The following RHOC variants were observed in gnomAD, a reference collection of about 807,000 sequenced individuals.
The protein encoded by RHOC is ras homolog family member C, also known as rho-related GTP-binding protein RhoC.
In RHOC, 13 loss-of-function variants were observed where a neutral mutation model predicts 19.5. The observed-to-expected ratio is 0.67, with a 90% CI of 0.43 to 1.06. The LOEUF is 1.06. Ranked by LOEUF, RHOC falls within the 50% of genes least tolerant of loss-of-function variation. The pLI, the probability that RHOC is intolerant of heterozygous loss-of-function variation, is 0.00. For missense variants in RHOC, 173 were observed against 256.9 expected, an observed-to-expected ratio of 0.67 and a Z score of 2.23; for synonymous variants, 106 against 97.3, an observed-to-expected ratio of 1.09 and a Z score of -0.52.
intron 4 of RHOC, 36 bp from the exon 5 acceptor site, chr1:112,702,729 C>T: frequency 6.2e-7 from 1 of 1,612,680 alleles, no homozygotes; most frequent in Non-Finnish European, 8.5e-7. Flanking sequence ...TCGGTGCCTC[C>T]ACTTAAGCTA....
chr1:112,704,916 C>G (rs1674787038), intron 2 of RHOC, 184 bp downstream of exon 2: 6 of 611,366 alleles, frequency 9.8e-6, no homozygotes, highest in Non-Finnish European at 1.8e-5. Context: ...GGAACAGCCC[C>G]TTCCTCCCTC....
chr1:112,705,711 C>G, intron 1 of RHOC: 1 of 455,774 alleles, frequency 2.2e-6, no homozygotes. Context: ...ACTCCTCCAC[C>G]CACTCCATTA....
intron 3 of RHOC, 123 bp from the exon 4 acceptor site, chr1:112,703,242 G>T: frequency 9.7e-7 from 1 of 1,034,246 alleles, no homozygotes; most frequent in Non-Finnish European, 1.4e-6. Context: ...CTATGCACCA[G>T]GCATTATATT....
Position 112,705,179 on chromosome 1 carries a change from G to T in RHOC, c.-76-11C>A, listed in dbSNP as rs749467730. On this transcript the variant is annotated splice_polypyrimidine_tract_variant and intron_variant, in intron 1 of 5. Coordinates refer to ENST00000339083, the MANE Select transcript of RHOC (RefSeq NM_175744.5). ...GAGATGAAGTCAAGGCTGTTGGGAA[G>T]GGGGAGGGGGCTAGAGTCTGGGCTG... 2.8e-6 allele frequency: 2 copies of T among 702,456 alleles called. No individual in the cohort carries two copies. Among genetic ancestry groups the T allele is most frequent in the Non-Finnish European group, 5.2e-6 (2 of 384,932 alleles). 43.5% of individuals were successfully genotyped at this position (702,456 alleles called of 1,614,324 possible).
In RHOC at chr1:112,701,418, G is replaced by C; in HGVS notation, c.*122C>G. 1 of 1,599,720 alleles carries C rather than the reference G, an allele frequency of 6.3e-7. No individual in the cohort carries two copies. Among genetic ancestry groups the C allele is most frequent in the African/African-American group, 1.3e-5 (1 of 74,612 alleles). ...CGGGGCTAGAAAACAATGCAGTCCT[G>C]GGCAGGAGGGAACTGAAAATGGGAG... On this transcript the variant is annotated 3_prime_UTR_variant, in exon 6 of 6. Transcript: ENST00000339083.
chr1:112,703,497 C>T, intron 3 of RHOC, 147 bp downstream of exon 3: 1 of 787,734 alleles, frequency 1.3e-6, no homozygotes, highest in Non-Finnish European at 2.2e-6. Context: ...TTTTTTAAGA[C>T]TGCAGATTTA....
chr1:112,701,854 G>C (rs1674651209), intron 5 of RHOC, 141 bp from the exon 6 acceptor site: 1 of 809,698 alleles, frequency 1.2e-6, no homozygotes, highest in African/African-American at 1.7e-5. Context: ...CAGCTACCCT[G>C]GGCAGCTTCG....
At chr1:112,705,373 C>G in intron 1 of RHOC, 1 of 612,462 alleles carries the variant, frequency 1.6e-6, no homozygotes, top group South Asian at 1.9e-5. Context: ...CCCCACACCC[C>G]ACCACCACCT....
chr1:112,701,671 T>C lies in RHOC; in HGVS notation c.451A>G (p.Ile151Val). 6.2e-7 allele frequency: 1 copy of C among 1,614,010 alleles called. No individual in the cohort carries two copies. Among genetic ancestry groups the C allele is most frequent in the Non-Finnish European group, 8.5e-7 (1 of 1,180,002 alleles). The change falls in exon 6 of 6, where the codon ATC becomes GTC. Residue 151 changes from isoleucine to valine, a missense_variant. Ile to Val is a conservative substitution (Grantham distance 29, BLOSUM62 3). Around this residue, in one of 2 missense-constraint regions of RHOC, gnomAD observed 81 missense variants for 85.8 expected, o/e 0.94. Transcript: ENST00000339083. ...SEEGRDMANR[I>V]SAFGYLECSA... ...CACTCAAGGTAGCCAAAGGCACTGATCCGGTTCGCCATGTCCCGGCCTTCC... is the reference window on the plus strand; with the variant it reads ...CACTCAAGGTAGCCAAAGGCACTGACCCGGTTCGCCATGTCCCGGCCTTCC...
Position 112,701,620 on chromosome 1 carries a change from G to T in RHOC, c.502C>A (p.Arg168=). ...CGAGTGGCCATCTCAAACACCTCCC[G>T]CACTCCCTCCTTGGTCTTGGCTGAG... ...ECSAKTKEGV[R]EVFEMATRAG... The change falls in exon 6 of 6, where the codon CGG becomes AGG. Residue 168 remains arginine (R), a synonymous_variant. Coordinates refer to ENST00000339083, the MANE Select transcript of RHOC (RefSeq NM_175744.5). The T allele has an allele frequency of 6.2e-7, 1 of 1,614,042 alleles. No homozygotes were observed. The highest frequency in any genetic ancestry group is 8.5e-7 in the Non-Finnish European group (1 of 1,179,970).
chr1:112,703,329 G>A, intron 3 of RHOC: 1 of 704,166 alleles, frequency 1.4e-6, no homozygotes, highest in Admixed American at 2.2e-5. Flanking sequence ...AGTTGCCACT[G>A]TGAGCACCAT....
At chr1:112,705,626 G>A (rs1315802538) in intron 1 of RHOC, 1 of 458,296 alleles carries the variant, frequency 2.2e-6, no homozygotes, top group Admixed American at 2.3e-5. Context: ...ATCGCCTCCA[G>A]AAATGGAAAC....
intron 1 of RHOC, chr1:112,705,371 CCCA>C: frequency 4.9e-6 from 3 of 612,620 alleles, no homozygotes; most frequent in South Asian, 3.8e-5. Context: ...CTCCCCACAC[CCCA>C]CCACCACCTC....
At chr1:112,705,303 A>G in intron 1 of RHOC, 135 bp from the exon 2 acceptor site, 1 of 648,434 alleles carries the variant, frequency 1.5e-6, no homozygotes, top group Admixed American at 2.3e-5. Context: ...TCAGCCTCAA[A>G]CCTAGCTTTT....
intron 5 of RHOC, among the ~76,000 whole-genome samples, chr1:112,702,312 C>CTTT (rs746383970): frequency 4.7e-4 from 71 of 152,266 alleles, no homozygotes; most frequent in Non-Finnish European, 7.5e-4. Context: ...TTTTCTTAAT[C>CTTT]ATCTTAATAG....
chr1:112,707,402 A>G (rs1198805477), upstream of RHOC: 1 of 152,392 alleles, frequency 6.6e-6, no homozygotes, highest in East Asian at 1.9e-4. Context: ...CCAGCCTTCA[A>G]TCCCCTAGGG....
chr1:112,706,430 T>TACACACACACACACAC (rs149206424), intron 1 of RHOC, among the ~76,000 whole-genome samples: 2,009 of 49,652 alleles, frequency 0.04, 217 homozygotes, highest in Middle Eastern at 0.096. Context: ...TCTCTCTCTC[T>TACACACACACACACAC]ACACACACAC....
At chr1:112,702,506 C>G in intron 5 of RHOC, 57 bp downstream of exon 5, 2 of 1,587,552 alleles carry the variant, frequency 1.3e-6, no homozygotes, top group Non-Finnish European at 1.7e-6. Flanking sequence ...TGCCCGTCTG[C>G]AACCCCTCAG....
In RHOC at chr1:112,701,208, G is replaced by A. The variant is rs565485066; in HGVS notation, c.*332C>T. ...AAGGCCCCTGCCGAAAACAACTCCA[G>A]GGGCCTGGGACTCTGGGTCCCCTAC... On this transcript the variant is annotated 3_prime_UTR_variant, in exon 6 of 6. Coordinates refer to ENST00000339083, the MANE Select transcript of RHOC (RefSeq NM_175744.5). The A allele has an allele frequency of 1.7e-6, 1 of 603,328 alleles. No individual in the cohort carries two copies. Among genetic ancestry groups the A allele is most frequent in the South Asian group, 2.3e-5 (1 of 43,800 alleles). 37.4% of individuals were successfully genotyped at this position (603,328 alleles called of 1,614,324 possible).
Sources: gnomAD v4.1 joint callset for allele counts (sites outside exome capture counted in the v4.1 genomes callset) on GRCh38, gnomAD v4.1.1 for gene constraint, gnomAD v4.1.1 regional missense constraint, MANE v1.5 for transcripts, NCBI Gene and HGNC (gene_info 2026-07-23, HGNC 2026-07-21) for gene names.